PCSK5: variants seen among roughly 807,000 people sequenced by gnomAD.
PCSK5 encodes prohormone convertase 5.
In PCSK5, 129 loss-of-function variants were observed where a neutral mutation model predicts 233.2. That is an observed-to-expected ratio of 0.55 (90% CI 0.48 to 0.64). PCSK5 has a LOEUF of 0.64. PCSK5 is among the 30% of genes least tolerant of loss of function. The pLI is 0.00. For synonymous variants in PCSK5, 825 were observed against 879.2 expected (o/e 0.94, Z 1.09); for missense variants, 2,076 against 2,430.1 (o/e 0.85, Z 3.06).
chr9:76,176,100 T>C (rs556113763), intron 14 of PCSK5, among the ~76,000 whole-genome samples: 24 of 152,328 alleles, frequency 1.6e-4, no homozygotes, highest in Middle Eastern at 3.4e-3. Context: ...TATCCTTTAA[T>C]GTCTACTGAA....
Position 76,310,780 on chromosome 9 carries a change from CA to C in PCSK5, c.3819del (p.Lys1273AsnfsTer74). ...CCATCTGCTCTGGAGCCGATCTTTG[CA>C]AAAAATGCCAGATGCAGCCGGGCCA... ...CAICSGADLCKKCQMQPGHPL... is the reference protein window; with the variant it reads ...CAICSGADLCXKCQMQPGHPL... On this transcript the variant is annotated frameshift_variant, in exon 30 of 38. Coordinates refer to ENST00000674117, the MANE Select transcript of PCSK5 (RefSeq NM_001372043.1). LOFTEE classifies it high-confidence loss of function. The C allele has an allele frequency of 6.2e-7, 1 of 1,611,910 alleles. No homozygotes were observed. Among genetic ancestry groups the C allele is most frequent in the Non-Finnish European group, 8.5e-7 (1 of 1,179,532 alleles).
intron 8 of PCSK5, among the ~76,000 whole-genome samples, chr9:76,100,816 G>T (rs1831724076): frequency 6.6e-6 from 1 of 152,050 alleles, no homozygotes. Context: ...AAAAACTCAA[G>T]CTGAGTTGCT....
intron 3 of PCSK5, among the ~76,000 whole-genome samples, chr9:75,990,628 AT>A (rs1471660660): frequency 4.6e-5 from 7 of 152,234 alleles, no homozygotes; most frequent in Non-Finnish European, 8.8e-5. Context: ...GAAAAACATG[AT>A]TTGTGCCTCC....
At chr9:75,993,482 A>G (rs574300060) in intron 3 of PCSK5, among the ~76,000 whole-genome samples, 47 of 152,324 alleles carry the variant, frequency 3.1e-4, no homozygotes, top group East Asian at 1.2e-3. Flanking sequence ...GAGAGATCAC[A>G]TACCATCAAT....
intron 28 of PCSK5, among the ~76,000 whole-genome samples, chr9:76,304,192 G>A (rs1385706791): frequency 6.6e-6 from 1 of 152,002 alleles, no homozygotes; most frequent in Non-Finnish European, 1.5e-5. Context: ...AGAAAGCCAG[G>A]GTAAATTTTT....
chr9:76,353,999 C>A (rs1355408461), intron 36 of PCSK5, 34 bp from the exon 37 acceptor site: 4 of 1,528,522 alleles, frequency 2.6e-6, no homozygotes, highest in African/African-American at 2.7e-5. Flanking sequence ...AATCCCTTTA[C>A]ACTCAAAAGG....
intron 24 of PCSK5, among the ~76,000 whole-genome samples, chr9:76,263,433 G>A (rs983030653): frequency 1.4e-4 from 22 of 152,154 alleles, no homozygotes; most frequent in African/African-American, 5.3e-4. Flanking sequence ...ATACACCACG[G>A]AATACTATAA....
intron 33 of PCSK5, among the ~76,000 whole-genome samples, chr9:76,331,453 G>A (rs1829532285): frequency 6.6e-6 from 1 of 152,064 alleles, no homozygotes; most frequent in South Asian, 2.1e-4. Context: ...GGATCACAAG[G>A]TCAGGAGATC....
chr9:75,923,830 G>T (rs1823359129), intron 1 of PCSK5, among the ~76,000 whole-genome samples: 1 of 152,158 alleles, frequency 6.6e-6, no homozygotes. Context: ...GCTTCTAGAG[G>T]CTATCTGCAT....
intron 3 of PCSK5, among the ~76,000 whole-genome samples, chr9:76,019,209 T>A (rs971971852): frequency 3.3e-5 from 5 of 152,154 alleles, no homozygotes; most frequent in African/African-American, 1.2e-4. Flanking sequence ...TGCTTGGCCA[T>A]GTAAGGACCT....
intron 20 of PCSK5, among the ~76,000 whole-genome samples, chr9:76,214,936 T>C (rs997242370): frequency 6.6e-6 from 1 of 152,208 alleles, no homozygotes; most frequent in African/African-American, 2.4e-5. Context: ...CAACTACAAC[T>C]TTCTCCTCTC....
chr9:76,008,856 C>A (rs1036464966), intron 3 of PCSK5, among the ~76,000 whole-genome samples: 3 of 152,186 alleles, frequency 2.0e-5, no homozygotes, highest in African/African-American at 7.2e-5. Context: ...AAGTTACCCA[C>A]CCTTAGACTG....
chr9:76,346,669 T>C (rs1020609495), intron 35 of PCSK5, among the ~76,000 whole-genome samples: 10 of 152,312 alleles, frequency 6.6e-5, no homozygotes, highest in Non-Finnish European at 1.2e-4. Flanking sequence ...TAGGAAAATG[T>C]TGTGCTATCA....
intron 15 of PCSK5, among the ~76,000 whole-genome samples, chr9:76,180,065 T>TTATA (rs148523532): frequency 1.7e-5 from 2 of 116,210 alleles, no homozygotes; most frequent in South Asian, 2.8e-4. Flanking sequence ...AACATGATGT[T>TTATA]TATATATATA....
At chr9:76,319,858 T>C (rs1369367086) in intron 30 of PCSK5, among the ~76,000 whole-genome samples, 2 of 152,320 alleles carry the variant, frequency 1.3e-5, no homozygotes, top group East Asian at 3.9e-4. Flanking sequence ...ATAGTGAAAG[T>C]CTTAAAGTCT....
At chr9:76,056,581 G>C (rs1829826287) in intron 5 of PCSK5, among the ~76,000 whole-genome samples, 2 of 152,278 alleles carry the variant, frequency 1.3e-5, no homozygotes, top group South Asian at 4.1e-4. Flanking sequence ...TAAAACTTTA[G>C]ACCTTTAATT....
intron 10 of PCSK5, among the ~76,000 whole-genome samples, chr9:76,137,033 G>A (rs914736638): frequency 2.0e-5 from 3 of 152,092 alleles, no homozygotes; most frequent in Non-Finnish European, 4.4e-5. Context: ...TAGGCAGACA[G>A]CAGGGCTGGA....
At chr9:76,263,020 T>C (rs150022102) in intron 24 of PCSK5, among the ~76,000 whole-genome samples, 2,956 of 151,394 alleles carry the variant, frequency 0.02, 71 homozygotes, top group Middle Eastern at 0.058. Flanking sequence ...AAAAAACACA[T>C]GAAAAAATGC....
At chr9:76,219,084 C>T (rs1339184464) in intron 20 of PCSK5, among the ~76,000 whole-genome samples, 1 of 152,164 alleles carries the variant, frequency 6.6e-6, no homozygotes, top group Non-Finnish European at 1.5e-5. Context: ...TACAAAGCTG[C>T]GACCAGCTAT....
Sources: gnomAD v4.1 joint callset for allele counts (sites outside exome capture counted in the v4.1 genomes callset) on GRCh38, gnomAD v4.1.1 for gene constraint, MANE v1.5 for transcripts, NCBI Gene and HGNC (gene_info 2026-07-23, HGNC 2026-07-21) for gene names.